C3orf70: variants seen among roughly 807,000 people sequenced by gnomAD.
The protein encoded by C3orf70 is UPF0524 protein C3orf70.
A neutral mutation model predicts 20.7 loss-of-function variants in C3orf70; 15 were observed. That is an observed-to-expected ratio of 0.72 (90% CI 0.48 to 1.11). The LOEUF (loss-of-function observed/expected upper bound fraction) is 1.11, where lower values mean the gene tolerates loss of function less well. Ranked by LOEUF, C3orf70 falls within the 50% of genes most tolerant of loss-of-function variation. The probability of loss-of-function intolerance (pLI) is 0.00; values close to 1 mark genes in which losing one functional copy is unlikely to be tolerated. For missense variants in C3orf70, 332 were observed against 317.6 expected (o/e 1.05, Z -0.34); for synonymous variants, 161 against 125.7 (o/e 1.28, Z -1.88).
In C3orf70 at chr3:185,076,882, G is replaced by C. The variant is rs1220667701; in HGVS notation, c.*6125C>G. Reference sequence around the variant, plus strand: ...TTATTGCAGAATAAAAGTGTGTGCAGTCAGCATTTGTAAGAGGCTACAATG... The same window carrying C: ...TTATTGCAGAATAAAAGTGTGTGCACTCAGCATTTGTAAGAGGCTACAATG... On this transcript the variant is annotated 3_prime_UTR_variant, in exon 2 of 2. Coordinates refer to ENST00000335012, the MANE Select transcript of C3orf70 (RefSeq NM_001025266.3). 2.6e-5 allele frequency among the ~76,000 whole-genome samples: 4 copies of C among 152,242 alleles called. No individual in the cohort carries two copies. Among genetic ancestry groups the C allele is most frequent in the Non-Finnish European group, 5.9e-5 (4 of 68,050 alleles).
At chr3:185,112,745 C>T (rs1260846671) in intron 1 of C3orf70, among the ~76,000 whole-genome samples, 2 of 152,072 alleles carry the variant, frequency 1.3e-5, no homozygotes, top group Admixed American at 6.6e-5. Context: ...ATATTCATAC[C>T]CAATCTAATT....
chr3:185,084,774 G>T (rs1715424974), intron 1 of C3orf70, among the ~76,000 whole-genome samples: 1 of 152,088 alleles, frequency 6.6e-6, no homozygotes, highest in East Asian at 1.9e-4. Context: ...AAGGAAATAG[G>T]GCTGAAAATA....
chr3:185,113,286 A>AAAAAAAG (rs910002655), intron 1 of C3orf70, among the ~76,000 whole-genome samples: 2 of 1,138 alleles, frequency 1.8e-3, no homozygotes, highest in Non-Finnish European at 6.3e-3. Flanking sequence ...TAAAAAATAC[A>AAAAAAAG]AAAAAGAAAA....
intron 1 of C3orf70, among the ~76,000 whole-genome samples, chr3:185,103,430 G>A (rs574081847): frequency 1.3e-5 from 2 of 152,142 alleles, no homozygotes; most frequent in African/African-American, 4.8e-5. Context: ...CAGCATGGGA[G>A]AAGATTTTTG....
chr3:185,126,259 T>C (rs1390394346), intron 1 of C3orf70, among the ~76,000 whole-genome samples: 1 of 152,200 alleles, frequency 6.6e-6, no homozygotes, highest in African/African-American at 2.4e-5. Context: ...ATATAGTGTC[T>C]AAGTTCAGGC....
At position 185,087,602 on chromosome 3, in the gene C3orf70, A is replaced by C. The variant is rs76120402; in HGVS notation, c.197-4039T>G. Among the ~76,000 whole-genome samples the C allele has an allele frequency of 9.7e-3, 1,484 of 152,326 alleles. 23 individuals are homozygous for C. The highest frequency in any genetic ancestry group is 0.035 in the African/African-American group (1,445 of 41,552). On this transcript the variant is annotated intron_variant, in intron 1 of 1. Coordinates refer to ENST00000335012, the MANE Select transcript of C3orf70 (RefSeq NM_001025266.3). ...CTGATTCCACTTGCTTGATGTATCT[A>C]AAGTAGTCAACTCATAGAAACCGAA...
chr3:185,133,414 A>C (rs964233979), intron 1 of C3orf70, among the ~76,000 whole-genome samples: 10 of 152,258 alleles, frequency 6.6e-5, no homozygotes, highest in African/African-American at 1.7e-4. Flanking sequence ...ATGAGAAACA[A>C]ACAAAATGCT....
chr3:185,086,337 C>T (rs978179116), intron 1 of C3orf70, among the ~76,000 whole-genome samples: 1 of 152,098 alleles, frequency 6.6e-6, no homozygotes, highest in Non-Finnish European at 1.5e-5. Flanking sequence ...ATGTTTGTAT[C>T]CCCACGAACT....
chr3:185,105,092 C>T (rs2108593786), intron 1 of C3orf70, among the ~76,000 whole-genome samples: 1 of 152,262 alleles, frequency 6.6e-6, no homozygotes, highest in East Asian at 1.9e-4. Context: ...AAAATCTACC[C>T]AGAACTGACA....
chr3:185,125,830 A>C (rs1414244003), intron 1 of C3orf70, among the ~76,000 whole-genome samples: 1 of 152,224 alleles, frequency 6.6e-6, no homozygotes, highest in Non-Finnish European at 1.5e-5. Context: ...TGTATAAAAC[A>C]TTCTGAAAAA....
chr3:185,095,321 C>T (rs1266656361), intron 1 of C3orf70, among the ~76,000 whole-genome samples: 1 of 152,136 alleles, frequency 6.6e-6, no homozygotes, highest in Non-Finnish European at 1.5e-5. Flanking sequence ...GGAGGGGCAG[C>T]AAAGTAGAGC....
chr3:185,087,670 G>A (rs1294587576), intron 1 of C3orf70, among the ~76,000 whole-genome samples: 1 of 152,122 alleles, frequency 6.6e-6, no homozygotes, highest in Non-Finnish European at 1.5e-5. Flanking sequence ...ACGGGGGGAT[G>A]GGGAGTTGTT....
At position 185,078,774 on chromosome 3, in the gene C3orf70, G is replaced by A. The variant is rs1715256155; in HGVS notation, c.*4233C>T. On this transcript the variant is annotated 3_prime_UTR_variant, in exon 2 of 2. Coordinates refer to ENST00000335012, the MANE Select transcript of C3orf70 (RefSeq NM_001025266.3). ...CCATAAAATTTTGCAAACAAGATGT[G>A]GGAATATTAAGAGCTGACTGTAGAA... 6.6e-6 allele frequency: 1 copy of A among 152,154 alleles called. No individual in the cohort carries two copies. Among genetic ancestry groups the A allele is most frequent in the South Asian group, 2.1e-4 (1 of 4,822 alleles). 9.4% of individuals were successfully genotyped at this position (152,154 alleles called of 1,614,324 possible). A position where few individuals can be genotyped will look rare whatever the true frequency, so the allele number is the denominator to read the frequency against.
At chr3:185,117,663 A>G (rs1577327488) in intron 1 of C3orf70, among the ~76,000 whole-genome samples, 1 of 152,206 alleles carries the variant, frequency 6.6e-6, no homozygotes, top group Non-Finnish European at 1.5e-5. Context: ...GCTTGGCTTC[A>G]AATCCTCAAA....
chr3:185,137,155 G>A (rs1246829144), intron 1 of C3orf70, among the ~76,000 whole-genome samples: 4 of 152,072 alleles, frequency 2.6e-5, no homozygotes, highest in Non-Finnish European at 5.9e-5. Context: ...ACATCTGATG[G>A]TTATAAAAAG....
intron 1 of C3orf70, among the ~76,000 whole-genome samples, chr3:185,122,786 G>GA (rs781285685): frequency 2.0e-5 from 3 of 151,936 alleles, no homozygotes; most frequent in Non-Finnish European, 4.4e-5. Flanking sequence ...TGAGGGCCAG[G>GA]AAAGAACAAA....
At position 185,121,551 on chromosome 3, in the gene C3orf70, G is replaced by A. The variant is rs111557068; in HGVS notation, c.196+31077C>T. On this transcript the variant is annotated intron_variant, in intron 1 of 1. Transcript: ENST00000335012. ...GCCACAGGGTATGAGAACACTCAAC[G>A]CAGAGACAATAGCAAGAACAATGGT... 8.2e-3 allele frequency among the ~76,000 whole-genome samples: 1,254 copies of A among 152,170 alleles called. 7 individuals are homozygous for A. The highest frequency in any genetic ancestry group is 0.014 in the Non-Finnish European group (970 of 68,014).
At chr3:185,099,360 C>T (rs1320050541) in intron 1 of C3orf70, among the ~76,000 whole-genome samples, 1 of 152,184 alleles carries the variant, frequency 6.6e-6, no homozygotes, top group Non-Finnish European at 1.5e-5. Context: ...GTCCATCAGA[C>T]TAACTGTGGA....
intron 1 of C3orf70, among the ~76,000 whole-genome samples, chr3:185,140,080 G>T (rs1716719663): frequency 6.6e-6 from 1 of 152,092 alleles, no homozygotes; most frequent in South Asian, 2.1e-4. Flanking sequence ...GCCCCCACCT[G>T]AACATACTCA....
Sources: allele counts gnomAD v4.1 joint callset (sites outside exome capture counted in the v4.1 genomes callset), GRCh38; gene constraint gnomAD v4.1.1; transcripts MANE v1.5; gene names NCBI Gene and HGNC (gene_info 2026-07-23, HGNC 2026-07-21).